DOCK1: variants seen among roughly 807,000 people sequenced by gnomAD.
The protein encoded by DOCK1 is dedicator of cytokinesis protein 1.
A neutral mutation model predicts 262.7 loss-of-function variants in DOCK1; 138 were observed. The observed-to-expected ratio is 0.53, with a 90% CI of 0.46 to 0.61. The LOEUF (loss-of-function observed/expected upper bound fraction) is 0.61. Among genes scored for constraint, DOCK1 ranks in the 20% least tolerant of loss-of-function variants. The pLI is 0.00. For synonymous variants in DOCK1, 866 were observed against 867.4 expected (o/e 1.00, Z 0.03); for missense variants, 1,908 against 2,370.7 (o/e 0.80, Z 4.05).
chr10:127,364,722 GA>G (rs1369294150), intron 33 of DOCK1, among the ~76,000 whole-genome samples: 1 of 152,086 alleles, frequency 6.6e-6, no homozygotes, highest in Non-Finnish European at 1.5e-5. Context: ...TCCAACCGTG[GA>G]CAGTAGAGAG....
At chr10:126,910,827 A>T (rs900088743) in intron 1 of DOCK1, among the ~76,000 whole-genome samples, 11 of 152,048 alleles carry the variant, frequency 7.2e-5, no homozygotes, top group African/African-American at 2.7e-4. Context: ...GTGAAATTGC[A>T]TAGGAGGTAA....
Position 127,372,598 on chromosome 10 carries a change from G to T in DOCK1, c.3433-1183G>T, listed in dbSNP as rs546447776. Among the ~76,000 whole-genome samples the T allele has an allele frequency of 1.2e-3, 182 of 152,336 alleles. 1 individual carries two copies. The highest frequency in any genetic ancestry group is 8.3e-3 in the South Asian group (40 of 4,826). On this transcript the variant is annotated intron_variant, in intron 33 of 51. Coordinates refer to ENST00000623213, the MANE Select transcript of DOCK1 (RefSeq NM_001290223.2). ...TAGAGCATCAAAGGCACTGTTTGAG[G>T]TTTTGGGGCTGGCTAGAGCAATGAC...
chr10:127,247,818 C>T (rs756341582), intron 27 of DOCK1, among the ~76,000 whole-genome samples, 190 bp from the exon 28 acceptor site: 13 of 152,144 alleles, frequency 8.5e-5, no homozygotes, highest in Admixed American at 2.0e-4. Flanking sequence ...AAAAAACATT[C>T]CTGAGGTTGG....
chr10:127,308,172 A>T (rs2061943995), intron 29 of DOCK1, among the ~76,000 whole-genome samples: 1 of 152,224 alleles, frequency 6.6e-6, no homozygotes, highest in Non-Finnish European at 1.5e-5. Flanking sequence ...TAGGGGTGAC[A>T]GCATTGTTGG....
chr10:127,358,552 G>C (rs961535641), intron 32 of DOCK1, among the ~76,000 whole-genome samples: 1 of 152,164 alleles, frequency 6.6e-6, no homozygotes, highest in Non-Finnish European at 1.5e-5. Flanking sequence ...ACACTGGAGC[G>C]AGCACTAGAC....
At chr10:126,949,210 G>C (rs1277295392) in intron 1 of DOCK1, among the ~76,000 whole-genome samples, 2 of 152,074 alleles carry the variant, frequency 1.3e-5, no homozygotes, top group African/African-American at 4.8e-5. Context: ...GACCTGGGTT[G>C]GGGGACATGG....
Position 127,021,649 on chromosome 10 carries a change from C to T in DOCK1, c.1328-1551C>T, listed in dbSNP as rs1229579752. ...CTTGGTTGGGTGGCCTTGCACCTGC[C>T]CCTCGTCCTGTGCTCCACGGTTCTT... On this transcript the variant is annotated intron_variant, in intron 13 of 51. Transcript: ENST00000623213. Among the ~76,000 whole-genome samples, 4 of 152,128 alleles carry T rather than the reference C, an allele frequency of 2.6e-5. No individual in the cohort carries two copies. The East Asian group carries it at 5.8e-4, about 22-fold the overall frequency.
At chr10:127,117,953 T>C (rs1426929037) in intron 25 of DOCK1, among the ~76,000 whole-genome samples, 3 of 152,186 alleles carry the variant, frequency 2.0e-5, no homozygotes, top group Non-Finnish European at 4.4e-5. Context: ...TTCTTGGGCA[T>C]AAACTCCTCC....
intron 23 of DOCK1, among the ~76,000 whole-genome samples, chr10:127,083,270 C>T (rs1486366941): frequency 6.6e-6 from 1 of 152,150 alleles, no homozygotes; most frequent in Non-Finnish European, 1.5e-5. Flanking sequence ...TTTGAAAATG[C>T]ACCTGCTGTG....
chr10:127,081,943 G>A (rs1200524948), intron 23 of DOCK1, among the ~76,000 whole-genome samples: 2 of 152,156 alleles, frequency 1.3e-5, no homozygotes, highest in Non-Finnish European at 2.9e-5. Flanking sequence ...CTGGCCCCTG[G>A]CGATGCTCAT....
At chr10:127,144,453 T>G (rs564935543) in intron 27 of DOCK1, among the ~76,000 whole-genome samples, 180 of 152,304 alleles carry the variant, frequency 1.2e-3, no homozygotes, top group Middle Eastern at 0.01. Flanking sequence ...TTAATTCATC[T>G]TTTGTCTGCA....
In DOCK1 at chr10:127,004,690, C is replaced by T. The variant is rs149666797; in HGVS notation, c.986-4042C>T. ...CCTGAGCCTAGGGAGGTTGAGACTGCAAATGAGCCATGATCGTGCCATTGT... is the reference window on the plus strand; with the variant it reads ...CCTGAGCCTAGGGAGGTTGAGACTGTAAATGAGCCATGATCGTGCCATTGT... On this transcript the variant is annotated intron_variant, in intron 10 of 51. Transcript: ENST00000623213. Among the ~76,000 whole-genome samples, 478 of 151,142 alleles carry T rather than the reference C, an allele frequency of 3.2e-3. 3 individuals are homozygous for T. The highest frequency in any genetic ancestry group is 0.011 in the African/African-American group (448 of 41,236).
intron 6 of DOCK1, 142 bp from the exon 7 acceptor site, chr10:126,996,606 G>A: frequency 1.6e-6 from 1 of 643,264 alleles, no homozygotes; most frequent in Non-Finnish European, 2.3e-6. Context: ...CAGCCTCCAA[G>A]AATTTTATAT....
chr10:126,960,745 T>TATATATATATATATATAA, intron 1 of DOCK1, among the ~76,000 whole-genome samples: 1 of 115,532 alleles, frequency 8.7e-6, no homozygotes, highest in South Asian at 2.4e-4. Context: ...TATATATATA[T>TATATATATATATATATAA]ACACACACAC....
At chr10:126,910,723 C>G (rs552270898) in intron 1 of DOCK1, among the ~76,000 whole-genome samples, 1 of 152,308 alleles carries the variant, frequency 6.6e-6, no homozygotes, top group South Asian at 2.1e-4. Flanking sequence ...AGCACCACGC[C>G]TACCTCCCTC....
intron 32 of DOCK1, among the ~76,000 whole-genome samples, chr10:127,356,779 A>G (rs971244943): frequency 4.0e-5 from 6 of 151,856 alleles, no homozygotes; most frequent in African/African-American, 1.5e-4. Flanking sequence ...CAGACCCCAG[A>G]CCTCTTCTCT....
intron 21 of DOCK1, among the ~76,000 whole-genome samples, chr10:127,043,800 C>T (rs969518178): frequency 2.0e-5 from 3 of 152,210 alleles, no homozygotes; most frequent in Non-Finnish European, 4.4e-5. Flanking sequence ...ATGTGCAGCT[C>T]TGTCCCTCAC....
At chr10:127,049,825 A>T (rs1039748897) in intron 21 of DOCK1, among the ~76,000 whole-genome samples, 1 of 152,186 alleles carries the variant, frequency 6.6e-6, no homozygotes, top group Non-Finnish European at 1.5e-5. Flanking sequence ...ATTAAACATC[A>T]GTAACCAAGA....
chr10:127,365,098 A>C (rs113205587), intron 33 of DOCK1, among the ~76,000 whole-genome samples: 2,532 of 152,330 alleles, frequency 0.017, 79 homozygotes, highest in African/African-American at 0.058. Context: ...GCTTTCCCTT[A>C]ATTACAACAT....
Sources: allele counts gnomAD v4.1 joint callset (sites outside exome capture counted in the v4.1 genomes callset), GRCh38; gene constraint gnomAD v4.1.1; transcripts MANE v1.5; gene names NCBI Gene and HGNC (gene_info 2026-07-23, HGNC 2026-07-21).